Variants in SLIT3 observed in about 807,000 individuals in gnomAD.
SLIT3 encodes slit homolog 3 protein.
In SLIT3, 68 loss-of-function variants were observed where a neutral mutation model predicts 184.0. The ratio of observed to expected loss-of-function variants is 0.37; its 90% confidence interval spans 0.30 to 0.45. The LOEUF (loss-of-function observed/expected upper bound fraction) is 0.45, where lower values mean the gene tolerates loss of function less well. Among genes scored for constraint, SLIT3 ranks in the 20% least tolerant of loss-of-function variants. SLIT3 has a pLI of 1.00. For synonymous variants in SLIT3, 831 were observed against 828.6 expected (o/e 1.00, Z -0.05); for missense variants, 1,707 against 2,026.0 (o/e 0.84, Z 3.02).
intron 4 of SLIT3, among the ~76,000 whole-genome samples, chr5:169,124,989 C>G (rs1479954213): frequency 6.6e-6 from 1 of 152,076 alleles, no homozygotes; most frequent in Non-Finnish European, 1.5e-5. Flanking sequence ...AGGTTTCTTT[C>G]TTTCTGTTTT....
chr5:169,237,258 C>G (rs191203908), intron 3 of SLIT3, among the ~76,000 whole-genome samples: 4 of 152,120 alleles, frequency 2.6e-5, no homozygotes, highest in African/African-American at 7.2e-5. Context: ...AAAATTTGCA[C>G]GCATTATAGT....
chr5:169,069,592 A>G (rs148670617), intron 4 of SLIT3, among the ~76,000 whole-genome samples: 7 of 152,156 alleles, frequency 4.6e-5, no homozygotes, highest in Non-Finnish European at 5.9e-5. Context: ...AGCACTGGAC[A>G]CTTAGCACAC....
At chr5:169,112,198 C>T (rs2113262555) in intron 4 of SLIT3, among the ~76,000 whole-genome samples, 1 of 152,318 alleles carries the variant, frequency 6.6e-6, no homozygotes, top group African/African-American at 2.4e-5. Flanking sequence ...GGGCTATGCA[C>T]AGTAGCTCCC....
rs988897886 is a variant in SLIT3 at position 168,683,855 on chromosome 5, C to A, written c.3686+111G>T. ...TGTGCGCACATGTGCGTGGTAGGGG[C>A]GGGGAGAAGGGACACCCGAGTTCTC... On this transcript the variant is annotated intron_variant, in intron 32 of 35. Transcript: ENST00000519560. The A allele has an allele frequency of 2.9e-6, 3 of 1,017,574 alleles. No homozygotes were observed. The African/African-American group carries it at 5.0e-5, about 17-fold the overall frequency. 63.0% of individuals were successfully genotyped at this position (1,017,574 alleles called of 1,614,324 possible).
intron 4 of SLIT3, among the ~76,000 whole-genome samples, chr5:168,928,596 T>G (rs1162982121): frequency 6.6e-6 from 1 of 152,206 alleles, no homozygotes; most frequent in African/African-American, 2.4e-5. Context: ...TCTTTGTGTA[T>G]GTGCAAGTCT....
intron 5 of SLIT3, among the ~76,000 whole-genome samples, chr5:168,866,941 TGGCTCA>T (rs1581160238): frequency 6.6e-6 from 1 of 152,216 alleles, no homozygotes; most frequent in Non-Finnish European, 1.5e-5. Flanking sequence ...AGCTAGCAAT[TGGCTCA>T]GGACTAGTGG....
At position 168,733,811 on chromosome 5, in the gene SLIT3, A is replaced by G. The variant is rs544452753; in HGVS notation, c.2271-9327T>C. Among the ~76,000 whole-genome samples the G allele has an allele frequency of 2.0e-5, 3 of 152,054 alleles. No homozygotes were observed. In the South Asian group the frequency reaches 6.2e-4, roughly 32 times the overall value. On this transcript the variant is annotated intron_variant, in intron 20 of 35. Transcript: ENST00000519560. ...AAATAAAAAAAAATTAAAAAAAAAAAAGAAAATGTGGAATATCTATATACA... is the reference window on the plus strand; with the variant it reads ...AAATAAAAAAAAATTAAAAAAAAAAGAGAAAATGTGGAATATCTATATACA...
At chr5:168,883,212 C>A in intron 5 of SLIT3, 53 bp downstream of exon 5, 2 of 1,467,252 alleles carry the variant, frequency 1.4e-6, no homozygotes, top group South Asian at 2.3e-5. Flanking sequence ...TCACTCTGGT[C>A]AGAGAGCCCA....
chr5:169,048,572 A>C (rs1757706108), intron 4 of SLIT3, among the ~76,000 whole-genome samples: 1 of 152,230 alleles, frequency 6.6e-6, no homozygotes, highest in Non-Finnish European at 1.5e-5. Context: ...TTCACACAGT[A>C]GTTACCTAGT....
chr5:169,085,037 G>A (rs962206776), intron 4 of SLIT3, among the ~76,000 whole-genome samples: 7 of 152,222 alleles, frequency 4.6e-5, no homozygotes, highest in Admixed American at 3.3e-4. Context: ...TTTAACAGCA[G>A]CAACACGTGG....
chr5:168,964,697 C>T (rs111681382), intron 4 of SLIT3, among the ~76,000 whole-genome samples: 2 of 152,194 alleles, frequency 1.3e-5, no homozygotes, highest in African/African-American at 2.4e-5. Context: ...AATGTTATAA[C>T]TGAGGCAAAG....
intron 32 of SLIT3, among the ~76,000 whole-genome samples, chr5:168,677,001 G>A (rs182406159): frequency 1.3e-5 from 2 of 152,210 alleles, no homozygotes; most frequent in Non-Finnish European, 2.9e-5. Context: ...GATCAGAGAG[G>A]GCTGTGTGGT....
At chr5:169,273,092 GC>G (rs1766686982) in intron 1 of SLIT3, among the ~76,000 whole-genome samples, 1 of 152,038 alleles carries the variant, frequency 6.6e-6, no homozygotes, top group South Asian at 2.1e-4. Flanking sequence ...TGGGAAGGCG[GC>G]CCCTTCTGAA....
At chr5:168,839,839 C>T (rs75021473) in intron 6 of SLIT3, among the ~76,000 whole-genome samples, 2,542 of 152,300 alleles carry the variant, frequency 0.017, 81 homozygotes, top group African/African-American at 0.058. Context: ...GACAGAAACA[C>T]GGGTGAGGAG....
chr5:168,907,877 T>A (rs1335109922), intron 4 of SLIT3, among the ~76,000 whole-genome samples: 2 of 144,138 alleles, frequency 1.4e-5, no homozygotes, highest in African/African-American at 5.1e-5. Flanking sequence ...TAGATACATA[T>A]AGATATATGA....
intron 4 of SLIT3, among the ~76,000 whole-genome samples, chr5:168,884,564 A>G (rs1255518975): frequency 8.3e-6 from 1 of 120,582 alleles, no homozygotes; most frequent in Non-Finnish European, 1.8e-5. Flanking sequence ...ATATATATAT[A>G]TATATATATA....
chr5:168,674,555 G>T (rs917903079), intron 32 of SLIT3, among the ~76,000 whole-genome samples: 1 of 140,118 alleles, frequency 7.1e-6, no homozygotes, highest in Non-Finnish European at 1.5e-5. Flanking sequence ...GCAGTAGCAT[G>T]ATCTTGGCTC....
intron 3 of SLIT3, among the ~76,000 whole-genome samples, chr5:169,194,666 G>A (rs1763683895): frequency 6.6e-6 from 1 of 152,190 alleles, no homozygotes; most frequent in East Asian, 1.9e-4. Context: ...ATCCCTGGAG[G>A]TGGAGAAGTA....
At chr5:169,038,791 C>A (rs936508589) in intron 4 of SLIT3, among the ~76,000 whole-genome samples, 3 of 152,124 alleles carry the variant, frequency 2.0e-5, no homozygotes, top group African/African-American at 4.8e-5. Context: ...AGTGGTGTCA[C>A]AGGGAGCTAT....
Sources: gnomAD v4.1 joint callset for allele counts (sites outside exome capture counted in the v4.1 genomes callset) on GRCh38, gnomAD v4.1.1 for gene constraint, MANE v1.5 for transcripts, NCBI Gene and HGNC (gene_info 2026-07-23, HGNC 2026-07-21) for gene names.